Variants in RNF216 observed in about 807,000 individuals in gnomAD.
The protein encoded by RNF216 is E3 ubiquitin-protein ligase RNF216.
Under a neutral mutation model 110.8 loss-of-function variants are expected in RNF216, and 72 were observed. The ratio of observed to expected loss-of-function variants is 0.65; its 90% confidence interval spans 0.54 to 0.79. The LOEUF is 0.79. Among genes scored for constraint, RNF216 ranks in the 30% least tolerant of loss-of-function variants. The pLI, the probability that RNF216 is intolerant of heterozygous loss-of-function variation, is 0.00. For synonymous variants in RNF216, 495 were observed against 407.5 expected, an observed-to-expected ratio of 1.21 and a Z score of -2.59; for missense variants, 1,342 against 1,141.2, an observed-to-expected ratio of 1.18 and a Z score of -2.54.
chr7:5,743,644 A>G (rs1584555603), intron 3 of RNF216, among the ~76,000 whole-genome samples: 2 of 152,218 alleles, frequency 1.3e-5, no homozygotes, highest in South Asian at 4.2e-4. Flanking sequence ...AAGTATGTAT[A>G]TGTACCCACA....
chr7:5,640,350 C>G lies in RNF216; in HGVS notation c.2382+804G>C, dbSNP rs187992131. On this transcript the variant is annotated intron_variant, in intron 15 of 16. Transcript: ENST00000389902. ...AGTCATTCCCTTCATGCTGTCCTCTCTCTCCCCAGCGTAGTAGCTAGTGTG... is the reference window on the plus strand; with the variant it reads ...AGTCATTCCCTTCATGCTGTCCTCTGTCTCCCCAGCGTAGTAGCTAGTGTG... 2.4e-3 allele frequency among the ~76,000 whole-genome samples: 362 copies of G among 152,294 alleles called. 1 individual carries two copies. The highest frequency in any genetic ancestry group is 2.5e-3 in the Non-Finnish European group (171 of 68,012).
chr7:5,673,205 A>G (rs1215004147), intron 13 of RNF216, among the ~76,000 whole-genome samples: 1 of 152,180 alleles, frequency 6.6e-6, no homozygotes, highest in African/African-American at 2.4e-5. Flanking sequence ...GGGGGAAGTC[A>G]GTGGTTATTG....
At position 5,622,055 on chromosome 7, in the gene RNF216, G is replaced by C. The variant is rs541150598; in HGVS notation, c.*805C>G. ...GCTCATCACCCAGGGTGGCAGAAAC[G>C]TCTCCCCCAGCAGTTGGGCTGCCCA... On this transcript the variant is annotated 3_prime_UTR_variant, in exon 17 of 17. Coordinates refer to ENST00000389902, the MANE Select transcript of RNF216 (RefSeq NM_207111.4). The C allele has an allele frequency of 6.6e-6, 1 of 152,322 alleles. No homozygotes were observed. Among genetic ancestry groups the C allele is most frequent in the Non-Finnish European group, 1.5e-5 (1 of 68,186 alleles). The allele number at this position is 152,322 out of a possible 1,614,324, so 9.4% of individuals were successfully genotyped here. A position where few individuals can be genotyped will look rare whatever the true frequency, so the allele number is the denominator to read the frequency against.
chr7:5,759,164 G>A (rs1423904760), intron 2 of RNF216, among the ~76,000 whole-genome samples: 1 of 152,140 alleles, frequency 6.6e-6, no homozygotes, highest in African/African-American at 2.4e-5. Context: ...AGACAAGCGT[G>A]CTTCCCCTTT....
At chr7:5,724,544 G>A (rs1200124515) in intron 8 of RNF216, among the ~76,000 whole-genome samples, 1 of 152,184 alleles carries the variant, frequency 6.6e-6, no homozygotes, top group African/African-American at 2.4e-5. Flanking sequence ...CAGGGCGAAT[G>A]TCATGTCAGC....
intron 13 of RNF216, among the ~76,000 whole-genome samples, chr7:5,699,806 A>T (rs1791851005): frequency 6.6e-6 from 1 of 152,222 alleles, no homozygotes; most frequent in Admixed American, 6.5e-5. Context: ...CACATTTTCT[A>T]ACTGTGGTCT....
At chr7:5,717,808 A>C (rs1793158406) in intron 9 of RNF216, among the ~76,000 whole-genome samples, 1 of 152,110 alleles carries the variant, frequency 6.6e-6, no homozygotes, top group African/African-American at 2.4e-5. Context: ...TATGAGACAG[A>C]GTCTCACTTT....
chr7:5,657,696 T>C (rs1463280434), intron 13 of RNF216, among the ~76,000 whole-genome samples: 1 of 152,180 alleles, frequency 6.6e-6, no homozygotes, highest in Non-Finnish European at 1.5e-5. Context: ...TTCCAGGCCA[T>C]CTGTGTCTTC....
rs192480009 is a variant in RNF216, at chr7:5,680,136, C to T, written c.2062-27626G>A. ...CTTCACACAAGGGACATCTCCCCCA[C>T]GAGCTGGCCCTGAAGCTTCCAGCCT... On this transcript the variant is annotated intron_variant, in intron 13 of 16. Transcript: ENST00000389902. This position sits in a 1 kb window ranked among gnomAD's most constrained non-coding sequence, Gnocchi z 4.3. 4.6e-5 allele frequency among the ~76,000 whole-genome samples: 7 copies of T among 152,320 alleles called. No homozygotes were observed. The highest frequency in any genetic ancestry group is 3.9e-4 in the Admixed American group (6 of 15,306).
At chr7:5,729,373 T>C (rs1476223415) in intron 7 of RNF216, 59 bp downstream of exon 7, 1 of 1,547,112 alleles carries the variant, frequency 6.5e-7, no homozygotes, top group Non-Finnish European at 8.9e-7. Flanking sequence ...GTTCATTCTG[T>C]TACCATGGGA....
intron 13 of RNF216, among the ~76,000 whole-genome samples, chr7:5,688,638 G>T (rs758262465): frequency 6.6e-6 from 1 of 152,152 alleles, no homozygotes; most frequent in African/African-American, 2.4e-5. Flanking sequence ...TGAGCAGAAG[G>T]CTCACTCTGC....
chr7:5,674,377 T>G (rs1790131410), intron 13 of RNF216, among the ~76,000 whole-genome samples: 1 of 151,172 alleles, frequency 6.6e-6, no homozygotes, highest in Admixed American at 6.6e-5. Flanking sequence ...CATGCTAGTC[T>G]CAAACTCCTG....
chr7:5,720,146 C>T (rs1408491376), intron 9 of RNF216, among the ~76,000 whole-genome samples: 1 of 152,136 alleles, frequency 6.6e-6, no homozygotes, highest in Admixed American at 6.6e-5. Flanking sequence ...GGTACAAACT[C>T]AATATGGTGA....
chr7:5,701,521 C>T (rs1358907298), intron 13 of RNF216, among the ~76,000 whole-genome samples: 1 of 152,214 alleles, frequency 6.6e-6, no homozygotes, highest in South Asian at 2.1e-4. Context: ...TTTACCCACG[C>T]TGTTTCCATT....
rs180768690 is a variant in RNF216, at chr7:5,730,457, C to T, written c.1224+258G>A. On this transcript the variant is annotated intron_variant, in intron 6 of 16. Transcript: ENST00000389902. ...TGTAGGATTAAAGATATGGAGAATT[C>T]GTTCAATTCTTTGTGGGAAAAGGAA... Among the ~76,000 whole-genome samples the T allele has an allele frequency of 4.6e-4, 70 of 152,206 alleles. 1 individual carries two copies. Among genetic ancestry groups the T allele is most frequent in the African/African-American group, 5.3e-4 (22 of 41,524 alleles).
At chr7:5,752,454 A>C (rs1562462077) in intron 3 of RNF216, among the ~76,000 whole-genome samples, 1 of 152,210 alleles carries the variant, frequency 6.6e-6, no homozygotes, top group Non-Finnish European at 1.5e-5. Context: ...TTATATATAT[A>C]TCTTTATATT....
chr7:5,653,055 C>T (rs1489014877), intron 13 of RNF216, among the ~76,000 whole-genome samples: 2 of 152,084 alleles, frequency 1.3e-5, no homozygotes, highest in African/African-American at 2.4e-5. Context: ...AATCCCTGTG[C>T]CCACAAGCTG....
chr7:5,667,838 C>T (rs1368792586), intron 13 of RNF216, among the ~76,000 whole-genome samples: 1 of 152,188 alleles, frequency 6.6e-6, no homozygotes, highest in African/African-American at 2.4e-5. Flanking sequence ...AGGCTGACAA[C>T]AGCTGGACTT....
chr7:5,741,443 C>T lies in RNF216; in HGVS notation c.574G>A (p.Asp192Asn), dbSNP rs755263260. Residue 192 changes from aspartate (D) to asparagine (N), a missense_variant, in exon 4 of 17, where the codon GAT (aspartate) becomes AAT (asparagine). Physicochemically the swap from Asp to Asn is conservative, Grantham distance 23. Transcript: ENST00000389902. ...GACTGGTTCTGAGTTTCCAAAGGAT[C>T]GCTTTCTGTGTAAAGAAGGCTACCT... is the stretch of plus-strand genomic sequence containing the variant. ...EEGSLLYTES[D>N]PLETQNQSSE... is the part of the protein sequence containing the mutation. 3 of 1,614,174 alleles carry T rather than the reference C, an allele frequency of 1.9e-6. No homozygotes were observed. Among genetic ancestry groups the T allele is most frequent in the East Asian group, 2.2e-5 (1 of 44,886 alleles).
Sources: allele counts gnomAD v4.1 joint callset (sites outside exome capture counted in the v4.1 genomes callset), GRCh38; gene constraint gnomAD v4.1.1; non-coding constraint Gnocchi (gnomAD v3.1); transcripts MANE v1.5; gene names NCBI Gene and HGNC (gene_info 2026-07-23, HGNC 2026-07-21).